CEMIP2: variants seen among roughly 807,000 people sequenced by gnomAD.
CEMIP2 encodes the protein cell migration inducing hyaluronidase 2.
In CEMIP2, 79 loss-of-function variants were observed where a neutral mutation model predicts 146.9. The ratio of observed to expected loss-of-function variants is 0.54; its 90% CI spans 0.45 to 0.65. The LOEUF is 0.65. Ranked by LOEUF, CEMIP2 falls within the 30% of genes least tolerant of loss-of-function variation. The pLI is 0.00. For missense variants in CEMIP2, 1,596 were observed against 1,696.2 expected (o/e 0.94, Z 1.04); for synonymous variants, 601 against 606.3 (o/e 0.99, Z 0.13).
At chr9:71,739,530 G>A (rs1459742667) in intron 5 of CEMIP2, among the ~76,000 whole-genome samples, 1 of 151,972 alleles carries the variant, frequency 6.6e-6, no homozygotes, top group East Asian at 1.9e-4. Context: ...TCATCTTGGA[G>A]GCAGAAAGCT....
chr9:71,693,584 A>C (rs1822298262), intron 21 of CEMIP2, among the ~76,000 whole-genome samples: 1 of 152,262 alleles, frequency 6.6e-6, no homozygotes, highest in South Asian at 2.1e-4. Context: ...TCAAAGAATA[A>C]GGTTAATGAA....
chr9:71,760,340 T>C (rs1824592988), intron 1 of CEMIP2, among the ~76,000 whole-genome samples: 1 of 152,232 alleles, frequency 6.6e-6, no homozygotes, highest in Non-Finnish European at 1.5e-5. Flanking sequence ...TGTTAAAATA[T>C]GAATCCCTCA....
intron 20 of CEMIP2, 176 bp downstream of exon 20, chr9:71,697,809 T>C: frequency 1.7e-6 from 1 of 591,698 alleles, no homozygotes; most frequent in Non-Finnish European, 2.9e-6. Flanking sequence ...CTGTCATAAA[T>C]TTGAACTAGT....
At chr9:71,712,516 G>T in intron 15 of CEMIP2, 1 of 333,794 alleles carries the variant, frequency 3.0e-6, no homozygotes, top group Non-Finnish European at 5.4e-6. Flanking sequence ...AGATTGGGTG[G>T]GGAGAAAGAT....
intron 16 of CEMIP2, 124 bp downstream of exon 16, chr9:71,711,959 G>T: frequency 2.0e-6 from 2 of 1,000,376 alleles, no homozygotes; most frequent in African/African-American, 1.6e-5. Context: ...AGCTGGCTCT[G>T]TGTGTATGTC....
chr9:71,718,408 A>C (rs1310496235), intron 12 of CEMIP2, among the ~76,000 whole-genome samples: 1 of 152,166 alleles, frequency 6.6e-6, no homozygotes, highest in African/African-American at 2.4e-5. Context: ...CAAATCCTTA[A>C]GGTACATGTT....
At chr9:71,753,433 T>A (rs1205972147) in intron 1 of CEMIP2, among the ~76,000 whole-genome samples, 1 of 152,208 alleles carries the variant, frequency 6.6e-6, no homozygotes. Context: ...TCAGATGGCA[T>A]CTGTCACAAA....
chr9:71,758,887 C>T (rs1298592700), intron 1 of CEMIP2, among the ~76,000 whole-genome samples: 1 of 152,168 alleles, frequency 6.6e-6, no homozygotes, highest in Non-Finnish European at 1.5e-5. Flanking sequence ...GCGCATTCTC[C>T]ATTATTTCTT....
intron 17 of CEMIP2, among the ~76,000 whole-genome samples, chr9:71,705,581 T>C (rs1822709379): frequency 6.6e-6 from 1 of 152,108 alleles, no homozygotes; most frequent in Admixed American, 6.5e-5. Context: ...TTATCCATAT[T>C]GACTCCTCAA....
intron 21 of CEMIP2, among the ~76,000 whole-genome samples, chr9:71,691,413 G>A (rs967427811): frequency 6.3e-5 from 8 of 127,758 alleles, no homozygotes; most frequent in African/African-American, 2.4e-4. Flanking sequence ...GTGAGACTCT[G>A]TCTCAGGAAA....
chr9:71,728,254 TATAC>T lies in CEMIP2; in HGVS notation c.2049+1587_2049+1590del, dbSNP rs1371080210. On this transcript the variant is annotated intron_variant, in intron 10 of 23. Coordinates refer to ENST00000377044, the MANE Select transcript of CEMIP2 (RefSeq NM_013390.3). Reference sequence around the variant, plus strand: ...CTCTATATATATATATATATATGTATATACACGTATATATATATATATATATGTA... The same window carrying T: ...CTCTATATATATATATATATATGTATACGTATATATATATATATATATGTA... Among the ~76,000 whole-genome samples, 14 of 35,410 alleles carry T rather than the reference TATAC, an allele frequency of 4.0e-4. 1 individual carries two copies. The highest frequency in any genetic ancestry group is 2.6e-3 in the East Asian group (3 of 1,174). 23.2% of individuals were successfully genotyped at this position (35,410 alleles called of 152,430 possible).
At chr9:71,728,245 A>G (rs1439463102) in intron 10 of CEMIP2, among the ~76,000 whole-genome samples, 13 of 40,340 alleles carry the variant, frequency 3.2e-4, no homozygotes, top group African/African-American at 8.2e-4. Context: ...ATATATATAT[A>G]TATATGTATA....
Position 71,723,136 on chromosome 9 carries a change from G to GAAAAAAAAAA in CEMIP2, c.2179-631_2179-622dup, listed in dbSNP as rs33948828. On this transcript the variant is annotated intron_variant, in intron 11 of 23. Coordinates refer to ENST00000377044, the MANE Select transcript of CEMIP2 (RefSeq NM_013390.3). ...TGGCAGAGAGCATGGAACAGCCAAAGAAAAAAAAAAAAAAAACAAAACCAT... is the reference window on the plus strand; with the variant it reads ...TGGCAGAGAGCATGGAACAGCCAAAGAAAAAAAAAAAAAAAAAAAAAAAAAACAAAACCAT... Among the ~76,000 whole-genome samples, 409 of 102,482 alleles carry GAAAAAAAAAA rather than the reference G, an allele frequency of 4.0e-3. 5 individuals carry two copies. Among genetic ancestry groups the GAAAAAAAAAA allele is most frequent in the Middle Eastern group, 6.3e-3 (1 of 160 alleles). 67.2% of individuals were successfully genotyped at this position (102,482 alleles called of 152,430 possible).
rs190786642 is a variant in CEMIP2 at position 71,755,640 on chromosome 9, C to A, written c.-12-5255G>T. 2.0e-5 allele frequency among the ~76,000 whole-genome samples: 3 copies of A among 152,190 alleles called. No homozygotes were observed. In the East Asian group the frequency reaches 5.8e-4, roughly 29 times the overall value. ...TTAATGCTTTCAAACACCACACTATCTCATCCATGAACCCTTCTCAAGTTT... is the reference window on the plus strand; with the variant it reads ...TTAATGCTTTCAAACACCACACTATATCATCCATGAACCCTTCTCAAGTTT... On this transcript the variant is annotated intron_variant, in intron 1 of 23. Coordinates refer to ENST00000377044, the MANE Select transcript of CEMIP2 (RefSeq NM_013390.3).
intron 1 of CEMIP2, among the ~76,000 whole-genome samples, chr9:71,752,184 A>G (rs1044554110): frequency 6.6e-6 from 1 of 151,876 alleles, no homozygotes; most frequent in African/African-American, 2.4e-5. Flanking sequence ...TTTTTACTCT[A>G]AAGTTCAGGC....
intron 14 of CEMIP2, 79 bp downstream of exon 14, chr9:71,716,438 C>T (rs1398221979): frequency 3.4e-6 from 4 of 1,163,198 alleles, no homozygotes; most frequent in Non-Finnish European, 3.7e-6. Context: ...ATAAAACATT[C>T]CTGTGTATTA....
chr9:71,710,478 A>T (rs765385024), intron 16 of CEMIP2, among the ~76,000 whole-genome samples: 1 of 152,208 alleles, frequency 6.6e-6, no homozygotes, highest in Non-Finnish European at 1.5e-5. Context: ...AGCTTAGAGC[A>T]TATTTTCCAC....
intron 19 of CEMIP2, among the ~76,000 whole-genome samples, chr9:71,699,609 A>T (rs1822500956): frequency 6.6e-6 from 1 of 152,162 alleles, no homozygotes; most frequent in African/African-American, 2.4e-5. Flanking sequence ...GGCACTTAAC[A>T]ACTGAGCCCC....
At chr9:71,756,321 GTGTA>G (rs1276134836) in intron 1 of CEMIP2, among the ~76,000 whole-genome samples, 3 of 148,516 alleles carry the variant, frequency 2.0e-5, no homozygotes, top group African/African-American at 4.9e-5. Context: ...ATATGTGCGT[GTGTA>G]TGTGTGTGTG....
Sources: allele counts gnomAD v4.1 joint callset (sites outside exome capture counted in the v4.1 genomes callset), GRCh38; gene constraint gnomAD v4.1.1; transcripts MANE v1.5; gene names NCBI Gene and HGNC (gene_info 2026-07-23, HGNC 2026-07-21).